Variants in C1orf87 observed in about 807,000 individuals in gnomAD.
The protein encoded by C1orf87 is uncharacterized protein C1orf87.
In C1orf87, 58 loss-of-function variants were observed where a neutral mutation model predicts 60.5. That is an observed-to-expected ratio of 0.96 (90% CI 0.78 to 1.19). The LOEUF is 1.19. Among genes scored for constraint, C1orf87 ranks in the 50% most tolerant of loss-of-function variants. The probability of loss-of-function intolerance (pLI) is 0.00; values close to 1 mark genes in which losing one functional copy is unlikely to be tolerated. For missense variants in C1orf87, 673 were observed against 638.6 expected (o/e 1.05, Z -0.58); for synonymous variants, 236 against 227.4 (o/e 1.04, Z -0.34).
rs1352237163 is a variant in C1orf87 at position 60,056,053 on chromosome 1, GGC to G, written c.108-617_108-616del. Among the ~76,000 whole-genome samples the G allele has an allele frequency of 7.2e-5, 11 of 152,172 alleles. No individual in the cohort carries two copies. The South Asian group carries it at 2.3e-3, about 32-fold the overall frequency. On this transcript the variant is annotated intron_variant, in intron 2 of 11. Coordinates refer to ENST00000371201, the MANE Select transcript of C1orf87 (RefSeq NM_152377.3). ...GAGGTCAGGAGTTTGAGACCAACCT[GGC>G]CAATACGGTGAAACCCCGTCTCTAC...
chr1:59,997,656 A>G lies in C1orf87; in HGVS notation c.1433T>C (p.Phe478Ser). 1 of 1,613,946 alleles carries G rather than the reference A, an allele frequency of 6.2e-7. No homozygotes were observed. Among genetic ancestry groups the G allele is most frequent in the Non-Finnish European group, 8.5e-7 (1 of 1,179,890 alleles). The change falls in exon 11 of 12, where the codon TTC (phenylalanine) becomes TCC (serine). Residue 478 changes from phenylalanine (F) to serine (S), a missense_variant. Transcript: ENST00000371201. ...AEECETWIDRFRKLENALYLC... is the reference protein window; with the variant it reads ...AEECETWIDRSRKLENALYLC... Reference sequence around the variant, plus strand: ...GTAGAGGGCATTTTCCAGCTTCCTGAACCTGTCTATCCACGTCTCACATTC... The same window carrying G: ...GTAGAGGGCATTTTCCAGCTTCCTGGACCTGTCTATCCACGTCTCACATTC...
intron 8 of C1orf87, among the ~76,000 whole-genome samples, chr1:60,022,357 T>G (rs1358451245): frequency 6.6e-6 from 1 of 151,942 alleles, no homozygotes; most frequent in Non-Finnish European, 1.5e-5. Flanking sequence ...GGAACCAGAT[T>G]CTGGATATGA....
At chr1:60,013,913 T>C (rs1240905798) in intron 8 of C1orf87, among the ~76,000 whole-genome samples, 1 of 152,134 alleles carries the variant, frequency 6.6e-6, no homozygotes, top group Non-Finnish European at 1.5e-5. Flanking sequence ...GTATATCACA[T>C]ACCCCATATT....
rs759996810 is a variant in C1orf87 at position 60,039,977 on chromosome 1, T to C, written c.687A>G (p.Leu229=). Residue 229 remains leucine, a synonymous_variant, in exon 5 of 12, where the codon CTA becomes CTG. Transcript: ENST00000371201. The stretch of plus-strand genomic sequence containing the variant: ...AAAGGATTTTAACTGTTGGTAACTG[T>C]AGAGGGACTTCATGCTTCAAAAAGA... ...SRLFLKHEVP[L]QLPTVKILCQ... 1.9e-6 allele frequency: 3 copies of C among 1,614,008 alleles called. No individual in the cohort carries two copies. The highest frequency in any genetic ancestry group is 2.5e-6 in the Non-Finnish European group (3 of 1,180,004).
intron 2 of C1orf87, among the ~76,000 whole-genome samples, chr1:60,067,575 T>G (rs1645556558): frequency 1.3e-5 from 2 of 150,456 alleles, no homozygotes; most frequent in African/African-American, 2.4e-5. Context: ...TTTTTTTTTT[T>G]TTTTTTTGGT....
At chr1:60,030,513 A>G (rs1302834176) in intron 7 of C1orf87, among the ~76,000 whole-genome samples, 1 of 152,252 alleles carries the variant, frequency 6.6e-6, no homozygotes, top group Non-Finnish European at 1.5e-5. Context: ...CTACATGAAA[A>G]TGAAGCAAAG....
At chr1:60,023,622 T>C (rs1185012768) in intron 8 of C1orf87, among the ~76,000 whole-genome samples, 3 of 152,078 alleles carry the variant, frequency 2.0e-5, no homozygotes, top group African/African-American at 4.8e-5. Flanking sequence ...GTCAATACCT[T>C]ACAATCATAT....
chr1:59,994,241 A>G (rs1289563632), intron 11 of C1orf87, among the ~76,000 whole-genome samples: 1 of 151,618 alleles, frequency 6.6e-6, no homozygotes, highest in East Asian at 1.9e-4. Context: ...CAATGGGTGG[A>G]GTCTGGATTT....
chr1:60,035,922 A>C (rs1483537306), intron 6 of C1orf87, among the ~76,000 whole-genome samples: 1 of 152,228 alleles, frequency 6.6e-6, no homozygotes, highest in African/African-American at 2.4e-5. Flanking sequence ...CAACACAGAG[A>C]TCTAACCTTA....
chr1:60,032,990 C>G (rs1252095218), intron 7 of C1orf87, among the ~76,000 whole-genome samples: 1 of 152,118 alleles, frequency 6.6e-6, no homozygotes, highest in African/African-American at 2.4e-5. Context: ...TCAGAAGTTC[C>G]ATGAGTTTTT....
At chr1:60,037,055 A>G (rs1278337931) in intron 6 of C1orf87, among the ~76,000 whole-genome samples, 2 of 152,226 alleles carry the variant, frequency 1.3e-5, no homozygotes, top group Non-Finnish European at 2.9e-5. Context: ...AATTGCTGCA[A>G]ATAACTTTCT....
At chr1:60,053,237 G>T (rs1218199944) in intron 3 of C1orf87, among the ~76,000 whole-genome samples, 1 of 152,196 alleles carries the variant, frequency 6.6e-6, no homozygotes, top group Non-Finnish European at 1.5e-5. Context: ...TTTGTTAAGT[G>T]AACTGTGTTA....
At chr1:60,056,271 C>T (rs116301922) in intron 2 of C1orf87, among the ~76,000 whole-genome samples, 359 of 152,050 alleles carry the variant, frequency 2.4e-3, no homozygotes, top group Non-Finnish European at 4.3e-3. Context: ...GAAAGTCTTA[C>T]AAATCAAAAC....
intron 2 of C1orf87, among the ~76,000 whole-genome samples, chr1:60,067,619 T>C (rs2100335541): frequency 6.7e-6 from 1 of 149,046 alleles, no homozygotes; most frequent in Non-Finnish European, 1.5e-5. Context: ...ACTCTGGACA[T>C]TAGCCCTTTG....
Position 60,072,517 on chromosome 1 carries a change from T to G in C1orf87, c.107+20A>C, listed in dbSNP as rs1645590949. 6.5e-7 allele frequency: 1 copy of G among 1,538,870 alleles called. No individual in the cohort carries two copies. Among genetic ancestry groups the G allele is most frequent in the African/African-American group, 1.4e-5 (1 of 72,720 alleles). On this transcript the variant is annotated intron_variant, in intron 2 of 11. Transcript: ENST00000371201. ...CATTATCATCCAAGCAACATAGATATTTTTCAAATATGGACTTACATCTTT... is the reference window on the plus strand; with the variant it reads ...CATTATCATCCAAGCAACATAGATAGTTTTCAAATATGGACTTACATCTTT...
intron 3 of C1orf87, among the ~76,000 whole-genome samples, chr1:60,043,620 C>T (rs1359280669): frequency 6.6e-6 from 1 of 152,126 alleles, no homozygotes; most frequent in African/African-American, 2.4e-5. Context: ...CTCTTGACCT[C>T]TGATCCTCCC....
chr1:60,003,574 T>TAAA (rs1645022887), intron 9 of C1orf87, among the ~76,000 whole-genome samples: 1 of 152,080 alleles, frequency 6.6e-6, no homozygotes, highest in Non-Finnish European at 1.5e-5. Context: ...TAAGGATATT[T>TAAA]TTACAAATAA....
At chr1:60,065,914 A>G (rs529611186) in intron 2 of C1orf87, among the ~76,000 whole-genome samples, 1 of 152,320 alleles carries the variant, frequency 6.6e-6, no homozygotes, top group Non-Finnish European at 1.5e-5. Flanking sequence ...CAAATATCAC[A>G]ATAAAGTGAT....
intron 3 of C1orf87, among the ~76,000 whole-genome samples, chr1:60,043,537 A>G (rs1484577081): frequency 3.9e-5 from 6 of 152,252 alleles, no homozygotes; most frequent in Admixed American, 3.9e-4. Flanking sequence ...GGATGCCACC[A>G]TGCCCAGCTA....
Sources: gnomAD v4.1 joint callset for allele counts (sites outside exome capture counted in the v4.1 genomes callset) on GRCh38, gnomAD v4.1.1 for gene constraint, MANE v1.5 for transcripts, NCBI Gene and HGNC (gene_info 2026-07-23, HGNC 2026-07-21) for gene names.